EIPR1: variants seen among roughly 807,000 people sequenced by gnomAD.
EIPR1 encodes EARP and GARP complex-interacting protein 1.
A neutral mutation model predicts 48.1 loss-of-function variants in EIPR1; 25 were observed. The ratio of observed to expected loss-of-function variants is 0.52; its 90% CI spans 0.38 to 0.73. The LOEUF (loss-of-function observed/expected upper bound fraction) is 0.73, where lower values mean the gene tolerates loss of function less well. Among genes scored for constraint, EIPR1 ranks in the 30% least tolerant of loss-of-function variants. The pLI, the probability that EIPR1 is intolerant of heterozygous loss-of-function variation, is 0.00. For missense variants in EIPR1, 415 were observed against 506.2 expected (o/e 0.82, Z 1.73); for synonymous variants, 204 against 201.9 (o/e 1.01, Z -0.09).
chr2:3,307,051 C>G (rs866183191), intron 3 of EIPR1, among the ~76,000 whole-genome samples: 12 of 152,026 alleles, frequency 7.9e-5, no homozygotes, highest in African/African-American at 2.7e-4. Flanking sequence ...CAACCTCCCC[C>G]TCCTGGGTTC....
intron 3 of EIPR1, among the ~76,000 whole-genome samples, chr2:3,298,926 T>C (rs1668679656): frequency 6.6e-6 from 1 of 152,130 alleles, no homozygotes; most frequent in Non-Finnish European, 1.5e-5. Flanking sequence ...GACTCGGTGT[T>C]AACTTCTCCC....
chr2:3,239,504 C>T (rs895681575), intron 4 of EIPR1, among the ~76,000 whole-genome samples: 4 of 152,276 alleles, frequency 2.6e-5, no homozygotes, highest in African/African-American at 4.8e-5. Flanking sequence ...GAGGTGGATC[C>T]GTCTTCTGAT....
chr2:3,363,803 CA>C lies in EIPR1; in HGVS notation c.43-9171del, dbSNP rs372598069. ...ATAAGAAGCTCAGACAACTCAACAG[CA>C]AAAAAAAAAAAAAACACCAAAATAA... On this transcript the variant is annotated intron_variant, in intron 1 of 8. Coordinates refer to ENST00000382125, the MANE Select transcript of EIPR1 (RefSeq NM_003310.5). 8.5e-3 allele frequency among the ~76,000 whole-genome samples: 1,123 copies of C among 132,502 alleles called. 12 individuals are homozygous for C. Among genetic ancestry groups the C allele is most frequent in the African/African-American group, 0.029 (986 of 33,922 alleles). 86.9% of individuals were successfully genotyped at this position (132,502 alleles called of 152,430 possible). A position where few individuals can be genotyped will look rare whatever the true frequency, so the allele number is the denominator to read the frequency against.
At position 3,377,651 on chromosome 2, in the gene EIPR1, G is replaced by C. The variant is rs762529874; in HGVS notation, c.39C>G (p.Phe13Leu). The C allele has an allele frequency of 1.3e-6, 2 of 1,576,210 alleles. No homozygotes were observed. Among genetic ancestry groups the C allele is most frequent in the Non-Finnish European group, 1.7e-6 (2 of 1,160,408 alleles). The change falls in exon 1 of 9, where the codon TTC becomes TTG. Residue 13 changes from phenylalanine to leucine, a missense_variant. Physicochemically the swap from Phe to Leu is conservative, Grantham distance 22. Transcript: ENST00000382125. ...TGCCGCCCTCCCAGTGACCCACCTG[G>C]AACTCCAGCCCGTAGATCACTGGTG... ...DDAPVIYGLE[F>L]QARALTPQTA...
At position 3,338,040 on chromosome 2, in the gene EIPR1, A is replaced by C; in HGVS notation, c.236T>G (p.Val79Gly). The C allele has an allele frequency of 6.2e-7, 1 of 1,605,848 alleles. No individual in the cohort carries two copies. The highest frequency in any genetic ancestry group is 8.5e-7 in the Non-Finnish European group (1 of 1,178,254). The stretch of plus-strand genomic sequence containing the variant: ...ACTTCTGTTGTAGCAGGTCGTCAGC[A>C]CACCTCTGTCTGCAGGGCTAGCGCT... ...HISASPADRG[V>G]LTTCYNRTSD... The change falls in exon 3 of 9, where the codon GTG becomes GGG. Residue 79 changes from valine (V) to glycine (G), a missense_variant. Physicochemically the swap from Val to Gly is moderately radical, Grantham distance 109 (BLOSUM62 -3). Coordinates refer to ENST00000382125, the MANE Select transcript of EIPR1 (RefSeq NM_003310.5).
intron 4 of EIPR1, among the ~76,000 whole-genome samples, chr2:3,216,702 T>C (rs1419959489): frequency 6.6e-6 from 1 of 152,234 alleles, no homozygotes; most frequent in East Asian, 1.9e-4. Flanking sequence ...TTCTGAATCA[T>C]ACACCCCATC....
intron 6 of EIPR1, 92 bp downstream of exon 6, chr2:3,196,789 G>T (rs1340727870): frequency 2.0e-6 from 3 of 1,507,008 alleles, no homozygotes; most frequent in Non-Finnish European, 2.7e-6. Context: ...GCCCCCAAAG[G>T]CATGTGGCTC....
chr2:3,208,623 G>A lies in EIPR1; in HGVS notation c.516+5526C>T, dbSNP rs781302471. The stretch of plus-strand genomic sequence containing the variant: ...ACTGAGTGTCTGTTGAATGAATTTG[G>A]CCATGGCATTCTGGTATGCTTGGCA... On this transcript the variant is annotated intron_variant, in intron 5 of 8. Transcript: ENST00000382125. The A allele has an allele frequency of 9.7e-6, 15 of 1,550,472 alleles. No individual in the cohort carries two copies. In the African/African-American group the frequency reaches 1.5e-4, roughly 16 times the overall value.
intron 3 of EIPR1, among the ~76,000 whole-genome samples, chr2:3,270,532 A>G (rs1667673408): frequency 6.6e-6 from 1 of 152,204 alleles, no homozygotes; most frequent in South Asian, 2.1e-4. Flanking sequence ...CCACAATAAC[A>G]TTAATATTGC....
chr2:3,309,667 G>A (rs565230356), intron 3 of EIPR1, among the ~76,000 whole-genome samples: 1 of 152,274 alleles, frequency 6.6e-6, no homozygotes, highest in South Asian at 2.1e-4. Context: ...CAGTGGGCGA[G>A]GGAGGTGGGA....
At position 3,341,798 on chromosome 2, in the gene EIPR1, C is replaced by G. The variant is rs1463824265; in HGVS notation, c.127-3649G>C. The stretch of plus-strand genomic sequence containing the variant: ...GTAAAGATGTCCCCAGTAGCACATT[C>G]TGGATGCGTGCACTTGGATGCATGT... On this transcript the variant is annotated intron_variant, in intron 2 of 8. Coordinates refer to ENST00000382125, the MANE Select transcript of EIPR1 (RefSeq NM_003310.5). Among the ~76,000 whole-genome samples, 3 of 152,064 alleles carry G rather than the reference C, an allele frequency of 2.0e-5. No homozygotes were observed. The East Asian group carries it at 5.8e-4, about 29-fold the overall frequency.
intron 4 of EIPR1, among the ~76,000 whole-genome samples, chr2:3,231,472 C>T (rs1666241156): frequency 6.6e-6 from 1 of 152,210 alleles, no homozygotes; most frequent in Non-Finnish European, 1.5e-5. Context: ...TTGGCTAACA[C>T]ACATGCCATA....
At chr2:3,274,233 G>C (rs1483051084) in intron 3 of EIPR1, 46 of 1,487,328 alleles carry the variant, frequency 3.1e-5, no homozygotes, top group African/African-American at 7.1e-5. Context: ...CAAATTATCA[G>C]ACTCAGGAGC....
rs1669153234 is a variant in EIPR1 at position 3,312,325 on chromosome 2, C to T, written c.259+25692G>A. On this transcript the variant is annotated intron_variant, in intron 3 of 8. Transcript: ENST00000382125. The surrounding 1 kb of genome is among the most constrained non-coding windows in gnomAD (Gnocchi z 5.5). ...TTGGTCAACGGAGGCTAAGGTTGCACTGCTTTTTAGGCGGCTGTGGCATAA... is the reference window on the plus strand; with the variant it reads ...TTGGTCAACGGAGGCTAAGGTTGCATTGCTTTTTAGGCGGCTGTGGCATAA... Among the ~76,000 whole-genome samples, 1 of 152,202 alleles carries T rather than the reference C, an allele frequency of 6.6e-6. No individual in the cohort carries two copies.
intron 3 of EIPR1, among the ~76,000 whole-genome samples, chr2:3,297,820 CT>C: frequency 6.6e-6 from 1 of 152,140 alleles, no homozygotes; most frequent in Middle Eastern, 3.2e-3. Flanking sequence ...TGTCTTGCTT[CT>C]TTTTTTGTTC....
intron 6 of EIPR1, 114 bp downstream of exon 6, chr2:3,196,767 G>A (rs990607581): frequency 4.2e-6 from 6 of 1,420,958 alleles, no homozygotes; most frequent in African/African-American, 2.9e-5. Flanking sequence ...ACGAGATAAA[G>A]ACAAACCATG....
intron 2 of EIPR1, among the ~76,000 whole-genome samples, chr2:3,352,928 C>T (rs2875395): frequency 0.22 from 34,024 of 152,116 alleles, 4,756 homozygotes; most frequent in East Asian, 0.43. Context: ...ACCTGGGAGG[C>T]GGAGGTTGCA....
rs1667913087 is a variant in EIPR1 at position 3,278,160 on chromosome 2, C to T, written c.260-20705G>A. Reference sequence around the variant, plus strand: ...GTCTGTGGGGACTCCAGGTACGAGGCACAGGCCCCAGAGGCCCAGGGGAGT... The same window carrying T: ...GTCTGTGGGGACTCCAGGTACGAGGTACAGGCCCCAGAGGCCCAGGGGAGT... On this transcript the variant is annotated intron_variant, in intron 3 of 8. Coordinates refer to ENST00000382125, the MANE Select transcript of EIPR1 (RefSeq NM_003310.5). Among the ~76,000 whole-genome samples the T allele has an allele frequency of 2.0e-5, 3 of 152,216 alleles. No homozygotes were observed. In the South Asian group the frequency reaches 6.2e-4, roughly 31 times the overall value.
At chr2:3,294,451 C>CCCTG (rs1668467536) in intron 3 of EIPR1, among the ~76,000 whole-genome samples, 1 of 116,934 alleles carries the variant, frequency 8.6e-6, no homozygotes, top group South Asian at 3.2e-4. Context: ...CATCCTCTCT[C>CCCTG]CAAACACACA....
Sources: allele counts gnomAD v4.1 joint callset (sites outside exome capture counted in the v4.1 genomes callset), GRCh38; gene constraint gnomAD v4.1.1; non-coding constraint Gnocchi (gnomAD v3.1); transcripts MANE v1.5; gene names NCBI Gene and HGNC (gene_info 2026-07-23, HGNC 2026-07-21).